Variants in CDH8 observed in about 807,000 individuals in gnomAD.
The protein encoded by CDH8 is cadherin 8.
A neutral mutation model predicts 68.1 loss-of-function variants in CDH8; 17 were observed. That is an observed-to-expected ratio of 0.25 (90% CI 0.17 to 0.37). CDH8 has a LOEUF of 0.37. Among genes scored for constraint, CDH8 ranks in the 10% least tolerant of loss-of-function variants. The pLI, the probability that CDH8 is intolerant of heterozygous loss-of-function variation, is 1.00. For synonymous variants in CDH8, 372 were observed against 365.1 expected (o/e 1.02, Z -0.21); for missense variants, 763 against 999.3 (o/e 0.76, Z 3.19).
chr16:61,776,597 C>A lies in CDH8; in HGVS notation c.1414+12749G>T, dbSNP rs574444804. 2.0e-5 allele frequency among the ~76,000 whole-genome samples: 3 copies of A among 152,140 alleles called. 1 individual carries two copies. Among genetic ancestry groups the A allele is most frequent in the African/African-American group, 7.2e-5 (3 of 41,510 alleles). On this transcript the variant is annotated intron_variant, in intron 8 of 11. Coordinates refer to ENST00000577390, the MANE Select transcript of CDH8 (RefSeq NM_001796.5). Reference sequence around the variant, plus strand: ...AATCCCAAAGTGATATGTTCCTGAACAAACAATTTGAGAGATTCTCTGGAT... The same window carrying A: ...AATCCCAAAGTGATATGTTCCTGAAAAAACAATTTGAGAGATTCTCTGGAT...
chr16:61,744,901 A>T (rs1461564128), intron 8 of CDH8, among the ~76,000 whole-genome samples: 2 of 151,276 alleles, frequency 1.3e-5, no homozygotes, highest in African/African-American at 4.8e-5. Flanking sequence ...CCTCAACTTT[A>T]TACATGTAAC....
intron 2 of CDH8, among the ~76,000 whole-genome samples, chr16:61,960,895 T>G (rs1193151000): frequency 1.3e-5 from 2 of 152,218 alleles, no homozygotes; most frequent in Non-Finnish European, 2.9e-5. Flanking sequence ...TCTGAGGATT[T>G]GCATTCAATA....
At chr16:61,913,588 C>A (rs1964193085) in intron 2 of CDH8, among the ~76,000 whole-genome samples, 1 of 152,040 alleles carries the variant, frequency 6.6e-6, no homozygotes. Flanking sequence ...ATAGCCTGCA[C>A]CACTGAAAAG....
At chr16:61,717,609 A>G (rs1964755756) in intron 9 of CDH8, among the ~76,000 whole-genome samples, 2 of 151,598 alleles carry the variant, frequency 1.3e-5, no homozygotes, top group African/African-American at 2.4e-5. Flanking sequence ...GCAGTCAGCA[A>G]AGAAATACAT....
At chr16:61,958,269 C>G (rs569707356) in intron 2 of CDH8, among the ~76,000 whole-genome samples, 1 of 152,278 alleles carries the variant, frequency 6.6e-6, no homozygotes, top group South Asian at 2.1e-4. Context: ...CTTGGAAGTG[C>G]TCTCCAGTCA....
At chr16:61,959,984 GTATATATATATATATATATATATA>G (rs1181394965) in intron 2 of CDH8, among the ~76,000 whole-genome samples, 1 of 44,538 alleles carries the variant, frequency 2.2e-5, no homozygotes. Context: ...GTGTGTGTGT[GTATATATATATATATATATATATA>G]TATATATACA....
intron 3 of CDH8, among the ~76,000 whole-genome samples, chr16:61,884,284 C>T (rs1963630651): frequency 6.6e-6 from 1 of 152,144 alleles, no homozygotes; most frequent in African/African-American, 2.4e-5. Flanking sequence ...TCCTTCTCAG[C>T]CTACTCAACA....
chr16:61,712,051 A>G (rs1465304399), intron 10 of CDH8, among the ~76,000 whole-genome samples: 1 of 151,786 alleles, frequency 6.6e-6, no homozygotes, highest in Non-Finnish European at 1.5e-5. Context: ...TTTAACTTCT[A>G]TTTTCCAGTT....
chr16:61,873,937 T>A (rs946178836), intron 3 of CDH8, among the ~76,000 whole-genome samples: 4 of 152,164 alleles, frequency 2.6e-5, no homozygotes, highest in East Asian at 3.9e-4. Context: ...ACACCTGTAA[T>A]CCCAGCTACT....
At chr16:62,032,090 C>T (rs1329644334) in intron 1 of CDH8, 1 of 152,076 alleles carries the variant, frequency 6.6e-6, no homozygotes, top group Non-Finnish European at 1.5e-5. Flanking sequence ...TGGCCTTTGT[C>T]CATCAAAAAA....
intron 8 of CDH8, among the ~76,000 whole-genome samples, chr16:61,755,872 G>C (rs1960302710): frequency 6.6e-6 from 1 of 151,816 alleles, no homozygotes; most frequent in Non-Finnish European, 1.5e-5. Flanking sequence ...CCAGGCTGGA[G>C]TGCAATGGTT....
intron 2 of CDH8, among the ~76,000 whole-genome samples, chr16:62,018,176 C>T (rs1901988141): frequency 6.6e-6 from 1 of 152,178 alleles, no homozygotes. Context: ...ATTCAGACCT[C>T]GAGAGAGTAC....
chr16:61,853,802 C>T (rs1012761295), intron 4 of CDH8, among the ~76,000 whole-genome samples: 9 of 151,858 alleles, frequency 5.9e-5, no homozygotes, highest in Non-Finnish European at 1.3e-4. Context: ...TGTTTTTGAC[C>T]CATAGCATGC....
At chr16:61,982,810 G>C (rs1399444405) in intron 2 of CDH8, among the ~76,000 whole-genome samples, 1 of 152,106 alleles carries the variant, frequency 6.6e-6, no homozygotes, top group Non-Finnish European at 1.5e-5. Flanking sequence ...CACAGGAACA[G>C]AGTCTTAAAA....
intron 4 of CDH8, among the ~76,000 whole-genome samples, chr16:61,854,633 G>T (rs894946360): frequency 6.6e-6 from 1 of 151,982 alleles, no homozygotes; most frequent in Non-Finnish European, 1.5e-5. Context: ...CACATCTTTT[G>T]TTCCCCACAA....
At chr16:61,911,565 A>G (rs368367532) in intron 2 of CDH8, among the ~76,000 whole-genome samples, 1 of 152,066 alleles carries the variant, frequency 6.6e-6, no homozygotes, top group African/African-American at 2.4e-5. Flanking sequence ...TCTTCTATAA[A>G]GAGTTTTGGT....
At chr16:61,865,668 A>G (rs1179941034) in intron 3 of CDH8, among the ~76,000 whole-genome samples, 2 of 152,226 alleles carry the variant, frequency 1.3e-5, no homozygotes, top group Non-Finnish European at 2.9e-5. Context: ...CCATGTGCAT[A>G]AATACACCTT....
At chr16:61,667,378 A>T (rs1305914120) in intron 10 of CDH8, 2 of 152,066 alleles carry the variant, frequency 1.3e-5, no homozygotes, top group Non-Finnish European at 2.9e-5. Context: ...ATGTTTACCC[A>T]ACAATTTACA....
intron 7 of CDH8, among the ~76,000 whole-genome samples, chr16:61,802,010 G>A (rs141124827): frequency 0.011 from 1,510 of 142,476 alleles, 16 homozygotes; most frequent in Admixed American, 0.019. Flanking sequence ...ACCTCTGGGG[G>A]CAGGGCACAG....
Sources: allele counts gnomAD v4.1 joint callset (sites outside exome capture counted in the v4.1 genomes callset), GRCh38; gene constraint gnomAD v4.1.1; transcripts MANE v1.5; gene names NCBI Gene and HGNC (gene_info 2026-07-23, HGNC 2026-07-21).